The following CHRM2 variants were observed in gnomAD, a reference collection of about 807,000 sequenced individuals.
The protein encoded by CHRM2 is cholinergic receptor muscarinic 2.
In CHRM2, 8 loss-of-function variants were observed where a neutral mutation model predicts 25.0. The observed-to-expected ratio is 0.32, with a 90% CI of 0.19 to 0.58. CHRM2 has a LOEUF of 0.58. Ranked by LOEUF, CHRM2 falls within the 20% of genes least tolerant of loss-of-function variation. The probability of loss-of-function intolerance (pLI) is 0.88; values close to 1 mark genes in which losing one functional copy is unlikely to be tolerated. For synonymous variants in CHRM2, 202 were observed against 205.7 expected (o/e 0.98, Z 0.15); for missense variants, 440 against 567.1 (o/e 0.78, Z 2.28).
chr7:137,001,970 T>C (rs922876803), intron 3 of CHRM2, among the ~76,000 whole-genome samples: 1 of 152,048 alleles, frequency 6.6e-6, no homozygotes, highest in Non-Finnish European at 1.5e-5. Flanking sequence ...TCGCTGAACA[T>C]AGAATGGTTG....
chr7:136,916,946 C>G (rs1175907265), intron 2 of CHRM2, among the ~76,000 whole-genome samples: 2 of 151,682 alleles, frequency 1.3e-5, no homozygotes, highest in African/African-American at 4.8e-5. Flanking sequence ...TTCAGTTTCA[C>G]AAAAATTCTG....
rs1805325791 is a variant in CHRM2 at position 137,019,339 on chromosome 7, G to A, written c.*3073G>A. 2 of 151,794 alleles carry A rather than the reference G, an allele frequency of 1.3e-5. No individual in the cohort carries two copies. The highest frequency in any genetic ancestry group is 4.8e-5 in the African/African-American group (2 of 41,380). The allele number at this position is 151,794 out of a possible 1,614,324, so 9.4% of individuals were successfully genotyped here. A position where few individuals can be genotyped will look rare whatever the true frequency, so the allele number is the denominator to read the frequency against. On this transcript the variant is annotated 3_prime_UTR_variant, in exon 4 of 4. Coordinates refer to ENST00000680005, the MANE Select transcript of CHRM2 (RefSeq NM_001006630.2). ...CACATCTACATATCAAAAATCACCA[G>A]ACTATGCATATCGCACATCTTTTTT...
intron 2 of CHRM2, among the ~76,000 whole-genome samples, chr7:136,900,553 G>C (rs1797141949): frequency 6.6e-6 from 1 of 152,006 alleles, no homozygotes; most frequent in Non-Finnish European, 1.5e-5. Flanking sequence ...CATCTAGGAA[G>C]GAGGGGATGT....
intron 2 of CHRM2, among the ~76,000 whole-genome samples, chr7:136,873,014 C>G (rs1430543389): frequency 6.6e-6 from 1 of 152,242 alleles, no homozygotes; most frequent in Non-Finnish European, 1.5e-5. Context: ...CATTTTGCCA[C>G]ACAGTTCTCT....
At chr7:137,013,095 T>C (rs1362968046) in intron 3 of CHRM2, among the ~76,000 whole-genome samples, 2 of 152,012 alleles carry the variant, frequency 1.3e-5, no homozygotes, top group East Asian at 3.9e-4. Context: ...TCTTTCCTTT[T>C]TTGCCAAAAC....
chr7:136,947,409 T>C (rs1421292074), intron 2 of CHRM2, among the ~76,000 whole-genome samples: 1 of 152,198 alleles, frequency 6.6e-6, no homozygotes, highest in Admixed American at 6.5e-5. Context: ...ATACAGTAAT[T>C]GATAATTGAG....
At chr7:136,943,354 T>G (rs893427353) in intron 2 of CHRM2, among the ~76,000 whole-genome samples, 1 of 152,202 alleles carries the variant, frequency 6.6e-6, no homozygotes, top group African/African-American at 2.4e-5. Context: ...CTTTAAGCTC[T>G]GGTGGAAACA....
intron 2 of CHRM2, among the ~76,000 whole-genome samples, chr7:136,872,799 T>C (rs1457652495): frequency 2.0e-5 from 3 of 152,116 alleles, no homozygotes; most frequent in Non-Finnish European, 2.9e-5. Context: ...GAAGACGGAA[T>C]GGGAGAGAGA....
At chr7:136,974,408 A>C (rs545322887) in intron 2 of CHRM2, among the ~76,000 whole-genome samples, 2 of 152,330 alleles carry the variant, frequency 1.3e-5, no homozygotes, top group East Asian at 3.9e-4. Flanking sequence ...CAATGGAAAT[A>C]CATAAAATGT....
At chr7:136,899,590 A>G (rs1384442036) in intron 2 of CHRM2, 9 of 152,100 alleles carry the variant, frequency 5.9e-5, no homozygotes, top group Non-Finnish European at 1.0e-4. Flanking sequence ...ATGTAATTCA[A>G]TCAAAATTAA....
intron 2 of CHRM2, among the ~76,000 whole-genome samples, chr7:136,980,493 G>A (rs1035903904): frequency 1.3e-5 from 2 of 152,174 alleles, no homozygotes; most frequent in African/African-American, 4.8e-5. Flanking sequence ...AAATAGGAGT[G>A]GTGAGAGAGG....
At chr7:136,977,550 G>A (rs1374943872) in intron 2 of CHRM2, among the ~76,000 whole-genome samples, 1 of 152,106 alleles carries the variant, frequency 6.6e-6, no homozygotes, top group Non-Finnish European at 1.5e-5. Context: ...ATCAGAGGAG[G>A]GACACTCAAC....
At chr7:136,954,287 G>C (rs1800591208) in intron 2 of CHRM2, among the ~76,000 whole-genome samples, 1 of 152,126 alleles carries the variant, frequency 6.6e-6, no homozygotes, top group South Asian at 2.1e-4. Context: ...TTGGTGGTCT[G>C]TTGTCTGAGC....
At chr7:136,955,291 C>T (rs1320552378) in intron 2 of CHRM2, among the ~76,000 whole-genome samples, 25 of 152,106 alleles carry the variant, frequency 1.6e-4, no homozygotes, top group Admixed American at 1.6e-3. Flanking sequence ...AAGCATGCTG[C>T]TGATCTGAAT....
chr7:136,936,124 G>A (rs371881959), intron 2 of CHRM2, among the ~76,000 whole-genome samples: 1,991 of 152,098 alleles, frequency 0.013, 36 homozygotes, highest in African/African-American at 0.046. Flanking sequence ...GGGTAGCGGA[G>A]ATATTTTTCA....
chr7:136,931,665 G>A (rs1221193099), intron 2 of CHRM2, among the ~76,000 whole-genome samples: 1 of 152,168 alleles, frequency 6.6e-6, no homozygotes, highest in Non-Finnish European at 1.5e-5. Flanking sequence ...GGACACTCCT[G>A]TATAGTACTC....
chr7:136,868,992 G>A lies in CHRM2; in HGVS notation c.-283G>A, dbSNP rs1159210625. On this transcript the variant is annotated splice_region_variant and 5_prime_UTR_variant, in exon 1 of 4. Coordinates refer to ENST00000680005, the MANE Select transcript of CHRM2 (RefSeq NM_001006630.2). ...GTCTCCAGGCTCTTCGTGAAAGCCA[G>A]GTTTGAAAGTCTTGTTTGCTTCTCC... 6.6e-6 allele frequency: 1 copy of A among 152,388 alleles called. No homozygotes were observed. The highest frequency in any genetic ancestry group is 1.5e-5 in the Non-Finnish European group (1 of 68,146). The allele number at this position is 152,388 out of a possible 1,614,324, so 9.4% of individuals were successfully genotyped here.
intron 2 of CHRM2, among the ~76,000 whole-genome samples, chr7:136,942,219 A>C (rs763678328): frequency 6.6e-6 from 1 of 152,146 alleles, no homozygotes; most frequent in Non-Finnish European, 1.5e-5. Context: ...GTTGGGAACC[A>C]CTGTCATTTC....
chr7:136,888,062 C>T (rs1001930539), intron 2 of CHRM2, among the ~76,000 whole-genome samples: 4 of 152,158 alleles, frequency 2.6e-5, no homozygotes, highest in South Asian at 4.1e-4. Flanking sequence ...TCTGGGATTT[C>T]CTGACAGACT....
Sources: allele counts gnomAD v4.1 joint callset (sites outside exome capture counted in the v4.1 genomes callset), GRCh38; gene constraint gnomAD v4.1.1; transcripts MANE v1.5; gene names NCBI Gene and HGNC (gene_info 2026-07-23, HGNC 2026-07-21).